The following PVT1 variants were observed in gnomAD, a reference collection of about 807,000 sequenced individuals.
PVT1 encodes CXCR4/PVT1 fusion.
intron 2 of PVT1, among the ~76,000 whole-genome samples, chr8:127,850,754 C>T (rs1586406437): frequency 1.3e-5 from 2 of 152,188 alleles, no homozygotes; most frequent in Admixed American, 1.3e-4. Context: ...AGCGGTGGCT[C>T]ACGCCTGTAA....
intron 2 of PVT1, among the ~76,000 whole-genome samples, chr8:127,824,262 A>G (rs1814763517): frequency 6.6e-6 from 1 of 152,192 alleles, no homozygotes; most frequent in African/African-American, 2.4e-5. Flanking sequence ...GTAAAATGGG[A>G]ATAATAATTA....
intron 4 of PVT1, among the ~76,000 whole-genome samples, chr8:127,989,551 G>A (rs16902507): frequency 0.061 from 9,228 of 152,170 alleles, 915 homozygotes; most frequent in African/African-American, 0.21. Context: ...TAGTGAATGC[G>A]CCACTTGTAG....
At chr8:128,069,446 C>T (rs114915162) in intron 4 of PVT1, among the ~76,000 whole-genome samples, 4,838 of 152,292 alleles carry the variant, frequency 0.032, 255 homozygotes, top group African/African-American at 0.11. Context: ...ATGGGCACAG[C>T]GCACACTGCT....
chr8:128,062,279 T>G (rs1385925560), intron 4 of PVT1, among the ~76,000 whole-genome samples: 1 of 152,228 alleles, frequency 6.6e-6, no homozygotes, highest in African/African-American at 2.4e-5. Flanking sequence ...AAACCTACTC[T>G]TCATTTTCAT....
intron 4 of PVT1, among the ~76,000 whole-genome samples, chr8:128,065,527 T>A (rs1365139976): frequency 1.3e-5 from 2 of 152,184 alleles, no homozygotes; most frequent in Admixed American, 1.3e-4. Context: ...GGCTGTTTTT[T>A]TCCCTTTGGT....
chr8:127,943,071 T>C (rs1039698729), intron 3 of PVT1, among the ~76,000 whole-genome samples: 3 of 152,122 alleles, frequency 2.0e-5, no homozygotes, highest in African/African-American at 2.4e-5. Flanking sequence ...GAATGTGCTG[T>C]TGTAGGGGGC....
At chr8:127,862,488 C>T (rs900746372) in intron 2 of PVT1, among the ~76,000 whole-genome samples, 7 of 151,960 alleles carry the variant, frequency 4.6e-5, no homozygotes, top group African/African-American at 1.7e-4. Context: ...TGCAATGATA[C>T]GTTCATAGCT....
At chr8:127,839,499 G>A (rs1195458698) in intron 2 of PVT1, among the ~76,000 whole-genome samples, 1 of 149,910 alleles carries the variant, frequency 6.7e-6, no homozygotes, top group East Asian at 2.0e-4. Context: ...GCAGTGAGCC[G>A]TGATTGTGCC....
intron 4 of PVT1, among the ~76,000 whole-genome samples, chr8:128,065,673 G>C (rs1218392821): frequency 2.6e-5 from 4 of 152,168 alleles, no homozygotes; most frequent in Non-Finnish European, 4.4e-5. Context: ...CAAGTCTTCA[G>C]CTCTCAAGTC....
At position 128,053,303 on chromosome 8, in the gene PVT1, G is replaced by T. The variant is rs185269424; in HGVS notation, n.913-16857G>T. Among the ~76,000 whole-genome samples, 637 of 151,944 alleles carry T rather than the reference G, an allele frequency of 4.2e-3. 3 individuals are homozygous for T. The highest frequency in any genetic ancestry group is 7.0e-3 in the Non-Finnish European group (475 of 67,988). On this transcript the variant is annotated intron_variant and non_coding_transcript_variant, in intron 4 of 10. Transcript: ENST00000651587. ...CTTACATTAATGGTGGAAAAAATGA[G>T]AGTATAGATTATAGTGGGTGCTCAG...
At chr8:127,830,306 G>A (rs868168006) in intron 2 of PVT1, among the ~76,000 whole-genome samples, 1 of 152,142 alleles carries the variant, frequency 6.6e-6, no homozygotes, top group African/African-American at 2.4e-5. Flanking sequence ...ATTATTTGAG[G>A]AACACGAGGG....
chr8:127,947,268 G>A (rs1347575581), intron 3 of PVT1: 2 of 191,520 alleles, frequency 1.0e-5, no homozygotes, highest in East Asian at 2.4e-4. Context: ...GACCTTTAAT[G>A]TCTGCACTCT....
At position 127,945,070 on chromosome 8, in the gene PVT1, G is replaced by A. The variant is rs556670109; in HGVS notation, n.783-44092G>A. ...TAAAAATGAACCTGAAGTGGGTGGG[G>A]TGAGTGTGTGTGTGGGAAGTTGGAT... On this transcript the variant is annotated intron_variant and non_coding_transcript_variant, in intron 3 of 10. Coordinates refer to ENST00000651587, the Ensembl canonical transcript of PVT1. Among the ~76,000 whole-genome samples the A allele has an allele frequency of 4.6e-5, 7 of 152,336 alleles. No homozygotes were observed. In the East Asian group the frequency reaches 1.4e-3, roughly 29 times the overall value.
intron 2 of PVT1, among the ~76,000 whole-genome samples, chr8:127,847,904 A>T (rs1166286286): frequency 6.7e-6 from 1 of 149,758 alleles, no homozygotes; most frequent in East Asian, 2.0e-4. Context: ...CATGAAGAAG[A>T]TTTTTTTTTT....
chr8:128,081,359 C>T (rs1814174796), intron 5 of PVT1, among the ~76,000 whole-genome samples: 1 of 152,156 alleles, frequency 6.6e-6, no homozygotes, highest in South Asian at 2.1e-4. Flanking sequence ...GACATTCGTA[C>T]ATAGGTTTTT....
intron 4 of PVT1, among the ~76,000 whole-genome samples, chr8:128,027,944 C>T (rs1487813625): frequency 6.6e-6 from 1 of 152,246 alleles, no homozygotes; most frequent in Non-Finnish European, 1.5e-5. Flanking sequence ...CTGAGGCCCC[C>T]AGCTGGCATT....
chr8:127,949,378 G>GCT (rs1816466150), intron 3 of PVT1, among the ~76,000 whole-genome samples: 1 of 39,612 alleles, frequency 2.5e-5, no homozygotes. Flanking sequence ...AACTCCAGGA[G>GCT]CTGTGTGTGT....
intron 2 of PVT1, among the ~76,000 whole-genome samples, chr8:127,888,336 G>A (rs1298905164): frequency 6.6e-6 from 1 of 152,170 alleles, no homozygotes; most frequent in East Asian, 1.9e-4. Flanking sequence ...ATTGTGGGCA[G>A]GGTGAGGCAG....
At chr8:127,999,936 C>T (rs1291386028) in intron 4 of PVT1, among the ~76,000 whole-genome samples, 2 of 152,180 alleles carry the variant, frequency 1.3e-5, no homozygotes, top group Admixed American at 6.5e-5. Flanking sequence ...GAGTCAGATG[C>T]ATGTAGAAAG....
Sources: allele counts gnomAD v4.1 joint callset (sites outside exome capture counted in the v4.1 genomes callset), GRCh38; gene constraint gnomAD v4.1.1; transcripts MANE v1.5; gene names NCBI Gene and HGNC (gene_info 2026-07-23, HGNC 2026-07-21).